LRRC4C: variants seen among roughly 807,000 people sequenced by gnomAD.
LRRC4C encodes leucine rich repeat containing 4C.
Under a neutral mutation model 33.6 loss-of-function variants are expected in LRRC4C, and 5 were observed. The observed-to-expected ratio is 0.15, with a 90% CI of 0.08 to 0.31. The LOEUF (loss-of-function observed/expected upper bound fraction) is 0.31. Among genes scored for constraint, LRRC4C ranks in the 10% least tolerant of loss-of-function variants. The pLI is 1.00. For synonymous variants in LRRC4C, 329 were observed against 302.0 expected, an observed-to-expected ratio of 1.09 and a Z score of -0.93; for missense variants, 560 against 796.7, an observed-to-expected ratio of 0.70 and a Z score of 3.58.
chr11:40,797,718 T>C (rs12287980), intron 2 of LRRC4C, among the ~76,000 whole-genome samples: 20,193 of 152,142 alleles, frequency 0.13, 1,424 homozygotes, highest in East Asian at 0.19. Flanking sequence ...CTCTTGATCC[T>C]TTAGCTAATA....
intron 1 of LRRC4C, among the ~76,000 whole-genome samples, chr11:41,075,010 T>G: frequency 8.2e-5 from 1 of 12,226 alleles, no homozygotes; most frequent in African/African-American, 1.3e-4. Flanking sequence ...CAACCTTCAA[T>G]TTTCTTTTTT....
chr11:40,983,347 C>G (rs943357811), intron 1 of LRRC4C, among the ~76,000 whole-genome samples: 2 of 152,072 alleles, frequency 1.3e-5, no homozygotes, highest in Non-Finnish European at 2.9e-5. Context: ...TTCCTTACAT[C>G]ATGTACAAAA....
chr11:40,383,202 T>A (rs1049457586), intron 3 of LRRC4C, among the ~76,000 whole-genome samples: 6 of 151,804 alleles, frequency 4.0e-5, no homozygotes, highest in African/African-American at 1.5e-4. Context: ...ATTTCCTTTT[T>A]TAAAGGCTGA....
chr11:41,244,686 C>T (rs1948383488), intron 1 of LRRC4C, among the ~76,000 whole-genome samples: 1 of 152,186 alleles, frequency 6.6e-6, no homozygotes, highest in Non-Finnish European at 1.5e-5. Context: ...AAAGCCTCAG[C>T]TTTCTTCATT....
At chr11:41,395,213 T>C (rs1045869059) in intron 1 of LRRC4C, among the ~76,000 whole-genome samples, 4 of 151,964 alleles carry the variant, frequency 2.6e-5, no homozygotes, top group African/African-American at 9.7e-5. Flanking sequence ...GAGCGCCTAT[T>C]CTTGAGCACA....
chr11:40,129,736 TC>T (rs1435378254), intron 6 of LRRC4C, among the ~76,000 whole-genome samples: 1 of 152,056 alleles, frequency 6.6e-6, no homozygotes, highest in Admixed American at 6.6e-5. Flanking sequence ...TATTTAAAAA[TC>T]CATGGGTGGA....
intron 2 of LRRC4C, among the ~76,000 whole-genome samples, chr11:40,912,098 T>C (rs1341548985): frequency 6.6e-6 from 1 of 152,106 alleles, no homozygotes; most frequent in African/African-American, 2.4e-5. Flanking sequence ...AGGGGGAGAA[T>C]GGAACAAAGT....
At chr11:40,656,105 C>A (rs1439775849) in intron 2 of LRRC4C, among the ~76,000 whole-genome samples, 1 of 152,064 alleles carries the variant, frequency 6.6e-6, no homozygotes, top group Non-Finnish European at 1.5e-5. Context: ...GGACACAGAG[C>A]CAAACCATAT....
At chr11:40,291,296 TG>T (rs1944176288) in intron 4 of LRRC4C, among the ~76,000 whole-genome samples, 1 of 152,172 alleles carries the variant, frequency 6.6e-6, no homozygotes, top group Admixed American at 6.5e-5. Flanking sequence ...TTTTTTATAT[TG>T]GCCTCTTTTT....
At chr11:40,665,074 G>A (rs2136231360) in intron 2 of LRRC4C, among the ~76,000 whole-genome samples, 1 of 151,460 alleles carries the variant, frequency 6.6e-6, no homozygotes, top group East Asian at 2.0e-4. Flanking sequence ...GGTTTGTCAA[G>A]GATGACAATT....
intron 6 of LRRC4C, among the ~76,000 whole-genome samples, chr11:40,121,005 A>G (rs1359845729): frequency 6.6e-6 from 1 of 152,176 alleles, no homozygotes; most frequent in Non-Finnish European, 1.5e-5. Flanking sequence ...AAAGTTACTG[A>G]CTCATAAGAA....
chr11:41,165,080 T>C (rs1944659618), intron 1 of LRRC4C, among the ~76,000 whole-genome samples: 1 of 152,158 alleles, frequency 6.6e-6, no homozygotes, highest in Non-Finnish European at 1.5e-5. Flanking sequence ...GACCTCCACA[T>C]TCTCACCACC....
chr11:41,337,825 TAAAC>T (rs1330284185), intron 1 of LRRC4C, among the ~76,000 whole-genome samples: 1 of 151,854 alleles, frequency 6.6e-6, no homozygotes, highest in Non-Finnish European at 1.5e-5. Flanking sequence ...AGAAGGAACT[TAAAC>T]AAATGCACAA....
chr11:40,841,861 G>C (rs1396544511), intron 2 of LRRC4C, among the ~76,000 whole-genome samples: 1 of 152,210 alleles, frequency 6.6e-6, no homozygotes, highest in African/African-American at 2.4e-5. Flanking sequence ...TTAGTGGCTA[G>C]CTGCCAACAG....
At chr11:40,374,822 C>A (rs949019952) in intron 3 of LRRC4C, among the ~76,000 whole-genome samples, 1 of 152,082 alleles carries the variant, frequency 6.6e-6, no homozygotes, top group African/African-American at 2.4e-5. Context: ...CAACATCCTA[C>A]AAATTTTAAT....
chr11:40,725,113 C>T (rs1450749638), intron 2 of LRRC4C, among the ~76,000 whole-genome samples: 1 of 152,148 alleles, frequency 6.6e-6, no homozygotes, highest in African/African-American at 2.4e-5. Flanking sequence ...TTTATCTCCT[C>T]AAGTGATGCC....
chr11:41,022,478 C>T (rs1856054004), intron 1 of LRRC4C, among the ~76,000 whole-genome samples: 1 of 151,738 alleles, frequency 6.6e-6, no homozygotes, highest in African/African-American at 2.4e-5. Flanking sequence ...CAGAAAGGTC[C>T]ATGATGGTTT....
At chr11:40,823,407 A>G (rs916753290) in intron 2 of LRRC4C, among the ~76,000 whole-genome samples, 2 of 151,784 alleles carry the variant, frequency 1.3e-5, no homozygotes, top group Non-Finnish European at 1.5e-5. Context: ...AAAAGTAAAA[A>G]TAAATACATT....
At chr11:41,099,295 C>T (rs1941012969) in intron 1 of LRRC4C, among the ~76,000 whole-genome samples, 1 of 151,598 alleles carries the variant, frequency 6.6e-6, no homozygotes. Context: ...TGAAACTATT[C>T]CAAAAAACTG....
Sources: gnomAD v4.1 joint callset for allele counts (sites outside exome capture counted in the v4.1 genomes callset) on GRCh38, gnomAD v4.1.1 for gene constraint, MANE v1.5 for transcripts, NCBI Gene and HGNC (gene_info 2026-07-23, HGNC 2026-07-21) for gene names.